Variants in ELMO1 observed in about 807,000 individuals in gnomAD.
ELMO1 encodes the protein engulfment and cell motility 1.
ELMO1 carries 26 observed loss-of-function variants against 98.9 expected under a neutral mutation model. The observed-to-expected ratio is 0.26, with a 90% confidence interval of 0.19 to 0.36. ELMO1 has a LOEUF of 0.36. ELMO1 is among the 10% of genes least tolerant of loss of function. The pLI is 1.00. For missense variants in ELMO1, 627 were observed against 935.2 expected, an observed-to-expected ratio of 0.67 and a Z score of 4.30; for synonymous variants, 346 against 346.0, an observed-to-expected ratio of 1.00 and a Z score of 0.00.
At chr7:37,000,708 T>A (rs2129161682) in intron 16 of ELMO1, among the ~76,000 whole-genome samples, 1 of 152,278 alleles carries the variant, frequency 6.6e-6, no homozygotes, top group African/African-American at 2.4e-5. Context: ...AGGTTGACAG[T>A]CACATTTGTC....
chr7:37,363,902 A>T (rs1305045746), intron 1 of ELMO1, among the ~76,000 whole-genome samples: 1 of 152,154 alleles, frequency 6.6e-6, no homozygotes, highest in Admixed American at 6.5e-5. Context: ...GAAGCCAGGG[A>T]AGAGTTCAGT....
intron 14 of ELMO1, among the ~76,000 whole-genome samples, 154 bp from the exon 15 acceptor site, chr7:37,096,881 A>C (rs1000497415): frequency 2.0e-5 from 3 of 152,220 alleles, no homozygotes; most frequent in Admixed American, 2.0e-4. Flanking sequence ...CCAAGTATAC[A>C]GGACCGAAAA....
In ELMO1 at chr7:37,244,391, C is replaced by T. The variant is rs1169432521; in HGVS notation, c.414G>A (p.Glu138=). 3.1e-6 allele frequency: 5 copies of T among 1,612,558 alleles called. No homozygotes were observed. The highest frequency in any genetic ancestry group is 4.2e-6 in the Non-Finnish European group (5 of 1,179,654). Residue 138 remains glutamate, a splice_region_variant and synonymous_variant, in exon 7 of 22, where the codon GAG becomes GAA. Coordinates refer to ENST00000310758, the MANE Select transcript of ELMO1 (RefSeq NM_014800.11). ...LLTQMVESGT[E]RYQKLQKIMK... is the part of the protein sequence containing the mutation. ...TGATCTTCTGCAATTTCTGGTATCG[C>T]CTGCAAAATTTAAAAACAACCATGT... is the stretch of plus-strand genomic sequence containing the variant.
chr7:36,963,403 A>AT (rs756597575), intron 16 of ELMO1, among the ~76,000 whole-genome samples: 11,959 of 92,938 alleles, frequency 0.13, 617 homozygotes, highest in African/African-American at 0.2. Flanking sequence ...AAATAAATAA[A>AT]AAAATAAATA....
intron 16 of ELMO1, among the ~76,000 whole-genome samples, chr7:36,937,977 T>C (rs1786693443): frequency 1.3e-5 from 2 of 152,238 alleles, no homozygotes; most frequent in African/African-American, 4.8e-5. Flanking sequence ...AAATAATGTC[T>C]GCTTATGGTC....
chr7:37,366,491 G>T (rs1801907878), intron 1 of ELMO1, among the ~76,000 whole-genome samples: 1 of 152,158 alleles, frequency 6.6e-6, no homozygotes, highest in Non-Finnish European at 1.5e-5. Flanking sequence ...TTCAAAATGA[G>T]ATCCATTCCA....
chr7:37,160,137 C>T (rs1457106806), intron 13 of ELMO1, among the ~76,000 whole-genome samples: 1 of 152,154 alleles, frequency 6.6e-6, no homozygotes, highest in East Asian at 1.9e-4. Flanking sequence ...TGCGTGCTTG[C>T]ATTTGATAAT....
At chr7:37,379,054 T>C (rs1030998752) in intron 1 of ELMO1, among the ~76,000 whole-genome samples, 10 of 152,146 alleles carry the variant, frequency 6.6e-5, no homozygotes, top group African/African-American at 1.7e-4. Flanking sequence ...TTCTTTTTTT[T>C]TTTTAGACGG....
intron 13 of ELMO1, among the ~76,000 whole-genome samples, chr7:37,161,494 T>C (rs1030411354): frequency 6.6e-6 from 1 of 152,080 alleles, no homozygotes; most frequent in African/African-American, 2.4e-5. Context: ...ATATTCTACC[T>C]CTCTATCTCA....
intron 11 of ELMO1, among the ~76,000 whole-genome samples, chr7:37,215,148 T>G (rs1793208058): frequency 6.6e-6 from 1 of 152,246 alleles, no homozygotes; most frequent in Non-Finnish European, 1.5e-5. Context: ...GGTTTATCTT[T>G]CCCGAAGAAC....
chr7:37,298,459 C>CG (rs1554291592), intron 4 of ELMO1, among the ~76,000 whole-genome samples: 1 of 145,324 alleles, frequency 6.9e-6, no homozygotes, highest in Non-Finnish European at 1.5e-5. Flanking sequence ...CTCCCTCCCC[C>CG]GACCCCACCA....
intron 1 of ELMO1, among the ~76,000 whole-genome samples, chr7:37,381,906 A>G (rs1033035692): frequency 1.3e-5 from 2 of 152,190 alleles, no homozygotes; most frequent in Non-Finnish European, 2.9e-5. Context: ...GGAATAAAAT[A>G]TTTTAAATTA....
intron 21 of ELMO1, among the ~76,000 whole-genome samples, chr7:36,858,285 C>T (rs1157786506): frequency 6.6e-6 from 1 of 152,066 alleles, no homozygotes; most frequent in African/African-American, 2.4e-5. Flanking sequence ...TCTAATGGTT[C>T]CAAGGATCCA....
At chr7:37,306,213 T>C (rs1798606676) in intron 4 of ELMO1, among the ~76,000 whole-genome samples, 1 of 152,206 alleles carries the variant, frequency 6.6e-6, no homozygotes, top group African/African-American at 2.4e-5. Flanking sequence ...CCTAATCTAG[T>C]ACCTGAAATA....
intron 15 of ELMO1, among the ~76,000 whole-genome samples, chr7:37,086,540 C>T (rs1783789204): frequency 6.6e-6 from 1 of 151,620 alleles, no homozygotes; most frequent in African/African-American, 2.4e-5. Context: ...GTCAGGAGTT[C>T]GAGACCAGCC....
At chr7:37,261,277 T>A (rs561603202) in intron 5 of ELMO1, among the ~76,000 whole-genome samples, 115 of 152,360 alleles carry the variant, frequency 7.5e-4, no homozygotes, top group African/African-American at 2.6e-3. Flanking sequence ...TTAGGTAACT[T>A]GCCCAAGGTC....
intron 1 of ELMO1, among the ~76,000 whole-genome samples, chr7:37,376,367 C>A (rs1802346071): frequency 6.6e-6 from 1 of 152,154 alleles, no homozygotes; most frequent in Non-Finnish European, 1.5e-5. Flanking sequence ...AAGTGATAAC[C>A]AGCTATTGTT....
chr7:37,274,457 T>G (rs990689666), intron 4 of ELMO1, among the ~76,000 whole-genome samples: 1 of 152,162 alleles, frequency 6.6e-6, no homozygotes, highest in African/African-American at 2.4e-5. Context: ...GGCAGGTCCC[T>G]TCCCAAGAGG....
intron 16 of ELMO1, among the ~76,000 whole-genome samples, chr7:37,007,203 A>G (rs1440942664): frequency 6.6e-6 from 1 of 152,242 alleles, no homozygotes; most frequent in Non-Finnish European, 1.5e-5. Flanking sequence ...ATGCTTGTTA[A>G]TCGCCTAGAC....
Sources: allele counts gnomAD v4.1 joint callset (sites outside exome capture counted in the v4.1 genomes callset), GRCh38; gene constraint gnomAD v4.1.1; transcripts MANE v1.5; gene names NCBI Gene and HGNC (gene_info 2026-07-23, HGNC 2026-07-21).